Variants in SUGCT observed in about 807,000 individuals in gnomAD.
SUGCT encodes succinyl-CoA:glutarate CoA-transferase.
A neutral mutation model predicts 55.0 loss-of-function variants in SUGCT; 41 were observed. The observed-to-expected ratio is 0.74, with a 90% confidence interval of 0.58 to 0.97. The LOEUF is 0.97. Ranked by LOEUF, SUGCT falls within the 50% of genes least tolerant of loss-of-function variation. SUGCT has a pLI of 0.00. For synonymous variants in SUGCT, 187 were observed against 200.4 expected, an observed-to-expected ratio of 0.93 and a Z score of 0.56; for missense variants, 568 against 547.8, an observed-to-expected ratio of 1.04 and a Z score of -0.37.
intron 11 of SUGCT, among the ~76,000 whole-genome samples, chr7:40,471,503 A>G (rs542849875): frequency 1.3e-5 from 2 of 152,212 alleles, no homozygotes; most frequent in East Asian, 3.9e-4. Flanking sequence ...GAAATACAAC[A>G]TATCTAGGGA....
rs531592461 is a variant in SUGCT at position 40,768,920 on chromosome 7, C to T, written c.1153+19423C>T. Among the ~76,000 whole-genome samples the T allele has an allele frequency of 1.8e-4, 27 of 152,168 alleles. No homozygotes were observed. In the East Asian group the frequency reaches 3.1e-3, roughly 17 times the overall value. ...TTTAGGGAGAGTGCAGCCTGCAGGG[C>T]GAGGCAGCTTGAAATCGTGTCCTGT... On this transcript the variant is annotated intron_variant, in intron 13 of 13. Transcript: ENST00000335693.
At chr7:40,636,701 G>A (rs1455890254) in intron 12 of SUGCT, among the ~76,000 whole-genome samples, 1 of 152,140 alleles carries the variant, frequency 6.6e-6, no homozygotes, top group Non-Finnish European at 1.5e-5. Context: ...GTAGTGAAGA[G>A]TGGTGATGGT....
chr7:40,390,619 C>T (rs1785372543), intron 9 of SUGCT, among the ~76,000 whole-genome samples: 1 of 152,084 alleles, frequency 6.6e-6, no homozygotes, highest in Non-Finnish European at 1.5e-5. Context: ...CAAACCAGTC[C>T]TCAACAAAAT....
chr7:40,362,782 C>CA (rs1798219168), intron 9 of SUGCT, among the ~76,000 whole-genome samples: 1 of 152,052 alleles, frequency 6.6e-6, no homozygotes, highest in African/African-American at 2.4e-5. Flanking sequence ...CAAGTTTGTA[C>CA]AGCTATCTCT....
chr7:40,907,125 G>T, the SUGCT span, among the ~76,000 whole-genome samples: 2 of 75,730 alleles, frequency 2.6e-5, no homozygotes, highest in Non-Finnish European at 5.6e-5. Flanking sequence ...GTGTGTGTGT[G>T]TGTGTGTGTG....
intron 12 of SUGCT, among the ~76,000 whole-genome samples, chr7:40,540,359 G>A (rs572087152): frequency 6.6e-6 from 1 of 152,346 alleles, no homozygotes; most frequent in East Asian, 1.9e-4. Context: ...AAACAAAATA[G>A]TAACAGCTGG....
intron 12 of SUGCT, among the ~76,000 whole-genome samples, chr7:40,696,365 C>G (rs1011728686): frequency 1.3e-5 from 2 of 152,122 alleles, no homozygotes; most frequent in Non-Finnish European, 1.5e-5. Flanking sequence ...CCTAATGGAG[C>G]TGTGCAGCCT....
chr7:40,184,516 A>G (rs1185021993), intron 3 of SUGCT, among the ~76,000 whole-genome samples: 3 of 149,706 alleles, frequency 2.0e-5, no homozygotes, highest in African/African-American at 7.4e-5. Context: ...TTTTTTTGGT[A>G]AAAACAGGGT....
chr7:40,151,721 T>C (rs1252744930), intron 1 of SUGCT: 2 of 173,804 alleles, frequency 1.2e-5, no homozygotes, highest in Admixed American at 5.9e-5. Context: ...AGTCTTAGCT[T>C]CCTCAAGTCA....
rs117923489 is a variant in SUGCT, at chr7:40,854,383, G to A, written c.1154-5933G>A. ...ATGCTCCTTAGCAGGTCCTTATTGTGTATCAAAATTTTTTTCTTTCTTTCT... is the reference window on the plus strand; with the variant it reads ...ATGCTCCTTAGCAGGTCCTTATTGTATATCAAAATTTTTTTCTTTCTTTCT... On this transcript the variant is annotated intron_variant, in intron 13 of 13. Transcript: ENST00000335693. Among the ~76,000 whole-genome samples the A allele has an allele frequency of 6.1e-5, 9 of 148,134 alleles. No homozygotes were observed. In the East Asian group the frequency reaches 1.6e-3, roughly 27 times the overall value.
At chr7:40,382,949 A>G (rs1784942567) in intron 9 of SUGCT, among the ~76,000 whole-genome samples, 1 of 152,186 alleles carries the variant, frequency 6.6e-6, no homozygotes, top group Non-Finnish European at 1.5e-5. Flanking sequence ...ACATTCATTA[A>G]TTTATTTTTA....
intron 13 of SUGCT, among the ~76,000 whole-genome samples, chr7:40,853,732 A>G (rs1793977587): frequency 6.6e-6 from 1 of 152,212 alleles, no homozygotes; most frequent in South Asian, 2.1e-4. Flanking sequence ...TTAACCCTTT[A>G]AAGAGCCTCA....
chr7:40,745,497 T>C (rs1787689724), intron 12 of SUGCT, among the ~76,000 whole-genome samples: 1 of 152,196 alleles, frequency 6.6e-6, no homozygotes, highest in South Asian at 2.1e-4. Flanking sequence ...ACATTACCAC[T>C]TGACTCTGTC....
chr7:40,740,329 A>G (rs2128703981), intron 12 of SUGCT, among the ~76,000 whole-genome samples: 1 of 151,808 alleles, frequency 6.6e-6, no homozygotes, highest in African/African-American at 2.4e-5. Context: ...AATGTGGACA[A>G]TTGTGTTATC....
At position 40,660,181 on chromosome 7, in the gene SUGCT, A is replaced by G. The variant is rs116505648; in HGVS notation, c.1090-89253A>G. 9.1e-3 allele frequency among the ~76,000 whole-genome samples: 1,391 copies of G among 152,322 alleles called. 18 individuals are homozygous for G. Among genetic ancestry groups the G allele is most frequent in the African/African-American group, 0.031 (1,296 of 41,566 alleles). On this transcript the variant is annotated intron_variant, in intron 12 of 13. Coordinates refer to ENST00000335693, the MANE Select transcript of SUGCT (RefSeq NM_001193313.2). ...CATTGAGGCTGAGAGAGGCTCTCCC[A>G]TATTCAATATGAGGTAATGTCTCCT... is the stretch of plus-strand genomic sequence containing the variant.
At chr7:40,653,923 A>G (rs748695174) in intron 12 of SUGCT, among the ~76,000 whole-genome samples, 2 of 152,162 alleles carry the variant, frequency 1.3e-5, no homozygotes, top group African/African-American at 2.4e-5. Context: ...TAGCAAGTAC[A>G]TATCAGCTGT....
chr7:40,473,874 G>A (rs1186531540), intron 11 of SUGCT, among the ~76,000 whole-genome samples: 1 of 152,118 alleles, frequency 6.6e-6, no homozygotes, highest in Admixed American at 6.6e-5. Context: ...GGCTGACAGG[G>A]TGGGTAAAAA....
At chr7:40,530,628 G>A (rs1244189296) in intron 12 of SUGCT, among the ~76,000 whole-genome samples, 1 of 152,180 alleles carries the variant, frequency 6.6e-6, no homozygotes, top group Non-Finnish European at 1.5e-5. Context: ...TTCATTTGAT[G>A]ATGTTTTTCA....
chr7:40,554,629 G>T (rs927327532), intron 12 of SUGCT, among the ~76,000 whole-genome samples: 3 of 152,288 alleles, frequency 2.0e-5, no homozygotes, highest in African/African-American at 7.2e-5. Flanking sequence ...GAGGTGTGTT[G>T]TATTTATTGA....
Sources: gnomAD v4.1 joint callset for allele counts (sites outside exome capture counted in the v4.1 genomes callset) on GRCh38, gnomAD v4.1.1 for gene constraint, MANE v1.5 for transcripts, NCBI Gene and HGNC (gene_info 2026-07-23, HGNC 2026-07-21) for gene names.